NETO2: variants seen among roughly 807,000 people sequenced by gnomAD.
NETO2 encodes the protein neuropilin and tolloid-like protein 2.
In NETO2, 28 loss-of-function variants were observed where a neutral mutation model predicts 62.5. The observed-to-expected ratio is 0.45, with a 90% confidence interval of 0.33 to 0.61. NETO2 has a LOEUF of 0.61. NETO2 is among the 20% of genes least tolerant of loss of function. The probability of loss-of-function intolerance (pLI) is 0.02; values close to 1 mark genes in which losing one functional copy is unlikely to be tolerated. For synonymous variants in NETO2, 214 were observed against 219.1 expected, an observed-to-expected ratio of 0.98 and a Z score of 0.21; for missense variants, 548 against 643.2, an observed-to-expected ratio of 0.85 and a Z score of 1.60.
In NETO2 at chr16:47,083,749, A is replaced by G. The variant is rs749744613; in HGVS notation, c.1050T>C (p.Ile350=). Residue 350 remains isoleucine, a synonymous_variant, in exon 9 of 9, where the codon ATT becomes ATC. Transcript: ENST00000562435. ...FEQITKTHGT[I]IGITSGIVLV... is the part of the protein sequence containing the mutation. The stretch of plus-strand genomic sequence containing the variant: ...AGACAATCCCTGAAGTAATGCCAAT[A>G]ATTGTTCCATGAGTCTTAGTGATTT... 1 of 1,612,756 alleles carries G rather than the reference A, an allele frequency of 6.2e-7. No individual in the cohort carries two copies. The highest frequency in any genetic ancestry group is 8.5e-7 in the Non-Finnish European group (1 of 1,178,842).
At position 47,143,766 on chromosome 16, in the gene NETO2, G is replaced by A. The variant is rs927844653; in HGVS notation, c.-154C>T. 3.4e-5 allele frequency: 36 copies of A among 1,044,416 alleles called. 1 individual carries two copies. In the South Asian group the frequency reaches 1.6e-3, roughly 47 times the overall value. The allele number at this position is 1,044,416 out of a possible 1,614,324, so 64.7% of individuals were successfully genotyped here. On this transcript the variant is annotated 5_prime_UTR_variant, in exon 1 of 9. Coordinates refer to ENST00000562435, the MANE Select transcript of NETO2 (RefSeq NM_018092.5). ...CCCCTGAGGAGAGCTCAGGTCCTGC[G>A]GCCCGCCATGCCCGAGCCCCACAGT...
In NETO2 at chr16:47,083,811, G is replaced by A; in HGVS notation, c.998-10C>T. 6.5e-7 allele frequency: 1 copy of A among 1,547,292 alleles called. No homozygotes were observed. Among genetic ancestry groups the A allele is most frequent in the Non-Finnish European group, 8.8e-7 (1 of 1,141,056 alleles). Reference sequence around the variant, plus strand: ...CCTGCTTTTTTCTTTTCTGCAGAAAGAAAATGAGAAACGTTAAGTTTTCAA... The same window carrying A: ...CCTGCTTTTTTCTTTTCTGCAGAAAAAAAATGAGAAACGTTAAGTTTTCAA... On this transcript the variant is annotated splice_polypyrimidine_tract_variant and intron_variant, in intron 8 of 8. Transcript: ENST00000562435.
chr16:47,087,471 T>G (rs991228723), intron 7 of NETO2, among the ~76,000 whole-genome samples: 2 of 152,190 alleles, frequency 1.3e-5, no homozygotes, highest in African/African-American at 4.8e-5. Context: ...TGATGTTTAA[T>G]GGGTACAGAG....
intron 7 of NETO2, among the ~76,000 whole-genome samples, chr16:47,087,558 G>A (rs1265365507): frequency 6.6e-6 from 1 of 152,084 alleles, no homozygotes; most frequent in Non-Finnish European, 1.5e-5. Context: ...TGTACTTAAT[G>A]CTACTGAACT....
At chr16:47,127,607 A>G (rs569121505) in intron 4 of NETO2, among the ~76,000 whole-genome samples, 18 of 152,316 alleles carry the variant, frequency 1.2e-4, no homozygotes, top group African/African-American at 4.3e-4. Flanking sequence ...GGCTGGAAGG[A>G]GCAAAGACCG....
intron 6 of NETO2, among the ~76,000 whole-genome samples, chr16:47,116,542 T>C (rs993439863): frequency 6.6e-6 from 1 of 152,208 alleles, no homozygotes; most frequent in Non-Finnish European, 1.5e-5. Context: ...TTATTGAAAT[T>C]TTTGCATCTA....
Position 47,083,335 on chromosome 16 carries a change from T to C in NETO2, c.1464A>G (p.Gly488=). 3 of 1,614,220 alleles carry C rather than the reference T, an allele frequency of 1.9e-6. No homozygotes were observed. The highest frequency in any genetic ancestry group is 2.5e-6 in the Non-Finnish European group (3 of 1,180,022). The change falls in exon 9 of 9, where the codon GGA becomes GGG. Residue 488 remains glycine, a synonymous_variant. Coordinates refer to ENST00000562435, the MANE Select transcript of NETO2 (RefSeq NM_018092.5). ...CCAGGGCCTGCTCAGGGCACTCATG[T>C]CCCTGTTTGAAAGTGTAACTACTTT... is the stretch of plus-strand genomic sequence containing the variant. ...FKKSSYTFKQ[G]HECPEQALED...
intron 6 of NETO2, among the ~76,000 whole-genome samples, chr16:47,121,151 C>G (rs756743864): frequency 6.6e-6 from 1 of 152,046 alleles, no homozygotes; most frequent in Admixed American, 6.6e-5. Flanking sequence ...TAAAAATGGA[C>G]GTGGTCATTT....
intron 4 of NETO2, among the ~76,000 whole-genome samples, chr16:47,125,503 G>A (rs567569097): frequency 1.4e-4 from 22 of 151,758 alleles, no homozygotes; most frequent in African/African-American, 4.8e-4. Flanking sequence ...GCACCACCAC[G>A]CCCAGCTAAC....
At chr16:47,094,403 T>TTTTATTTA (rs201234690) in intron 7 of NETO2, among the ~76,000 whole-genome samples, 2,371 of 151,418 alleles carry the variant, frequency 0.016, 34 homozygotes, top group African/African-American at 0.023. Flanking sequence ...GGAAGGTTTG[T>TTTTATTTA]TTTATTTATT....
intron 4 of NETO2, among the ~76,000 whole-genome samples, chr16:47,125,021 T>C (rs961235169): frequency 6.6e-6 from 1 of 152,220 alleles, no homozygotes; most frequent in Non-Finnish European, 1.5e-5. Flanking sequence ...TAAGTATCTT[T>C]ACATATGAAG....
chr16:47,133,440 C>T (rs1964307000), intron 1 of NETO2, among the ~76,000 whole-genome samples: 1 of 151,500 alleles, frequency 6.6e-6, no homozygotes, highest in Non-Finnish European at 1.5e-5. Flanking sequence ...TGCCTATAGT[C>T]CTAGCCACTT....
At chr16:47,137,536 A>T (rs1042310253) in intron 1 of NETO2, among the ~76,000 whole-genome samples, 2 of 152,132 alleles carry the variant, frequency 1.3e-5, no homozygotes, top group Non-Finnish European at 2.9e-5. Flanking sequence ...GAAACGTTGA[A>T]CTTGAGGTGA....
At chr16:47,124,824 T>A (rs544661326) in intron 4 of NETO2, among the ~76,000 whole-genome samples, 1 of 152,324 alleles carries the variant, frequency 6.6e-6, no homozygotes, top group South Asian at 2.1e-4. Flanking sequence ...CATTAGTCAT[T>A]AGCACAAAAT....
At chr16:47,120,326 T>C (rs185135700) in intron 6 of NETO2, among the ~76,000 whole-genome samples, 1 of 152,350 alleles carries the variant, frequency 6.6e-6, no homozygotes, top group Non-Finnish European at 1.5e-5. Flanking sequence ...TTAATTCATT[T>C]ATTACTTTGC....
chr16:47,096,744 G>A (rs1178998992), intron 7 of NETO2, among the ~76,000 whole-genome samples: 4 of 152,204 alleles, frequency 2.6e-5, no homozygotes, highest in African/African-American at 9.6e-5. Context: ...TGATTCCTGG[G>A]CAAGATGGCC....
chr16:47,093,288 T>C (rs1048778682), intron 7 of NETO2, among the ~76,000 whole-genome samples: 3 of 152,184 alleles, frequency 2.0e-5, no homozygotes, highest in Non-Finnish European at 4.4e-5. Flanking sequence ...CTGTCTAAAA[T>C]AACAGCCTCA....
intron 4 of NETO2, among the ~76,000 whole-genome samples, chr16:47,128,054 T>C (rs1342715253): frequency 6.6e-6 from 1 of 152,082 alleles, no homozygotes; most frequent in Non-Finnish European, 1.5e-5. Context: ...ATTTTAAATG[T>C]TAGCCTGAGC....
intron 7 of NETO2, among the ~76,000 whole-genome samples, chr16:47,102,142 C>T (rs746493033): frequency 1.3e-4 from 20 of 152,282 alleles, no homozygotes; most frequent in Non-Finnish European, 2.2e-4. Context: ...TATCTACAAC[C>T]ATCTGATCTT....
Sources: gnomAD v4.1 joint callset for allele counts (sites outside exome capture counted in the v4.1 genomes callset) on GRCh38, gnomAD v4.1.1 for gene constraint, MANE v1.5 for transcripts, NCBI Gene and HGNC (gene_info 2026-07-23, HGNC 2026-07-21) for gene names.